Variants in SNX29 observed in about 807,000 individuals in gnomAD.
SNX29 encodes the protein sorting nexin 29, also known as sorting nexin-29.
SNX29 carries 78 observed loss-of-function variants against 102.1 expected under a neutral mutation model. The ratio of observed to expected loss-of-function variants is 0.76; its 90% CI spans 0.64 to 0.92. The LOEUF (loss-of-function observed/expected upper bound fraction) is 0.92. SNX29 is among the 40% of genes least tolerant of loss of function. The pLI, the probability that SNX29 is intolerant of heterozygous loss-of-function variation, is 0.00. For missense variants in SNX29, 1,280 were observed against 1,061.7 expected (o/e 1.21, Z -2.86); for synonymous variants, 580 against 414.5 (o/e 1.40, Z -4.85).
chr16:12,478,254 G>A lies in SNX29; in HGVS notation c.2178+395G>A, dbSNP rs189626321. On this transcript the variant is annotated intron_variant, in intron 19 of 20. Transcript: ENST00000566228. ...TGTGCCAATAGCATTTTATTTTTAAGAATAGACAGCAGCTGGATTTGGCCT... is the reference window on the plus strand; with the variant it reads ...TGTGCCAATAGCATTTTATTTTTAAAAATAGACAGCAGCTGGATTTGGCCT... Among the ~76,000 whole-genome samples, 384 of 152,304 alleles carry A rather than the reference G, an allele frequency of 2.5e-3. 2 individuals carry two copies. The highest frequency in any genetic ancestry group is 4.4e-3 in the Admixed American group (67 of 15,308).
At chr16:12,075,492 G>A (rs1329268750) in intron 10 of SNX29, among the ~76,000 whole-genome samples, 1 of 152,198 alleles carries the variant, frequency 6.6e-6, no homozygotes, top group African/African-American at 2.4e-5. Flanking sequence ...TTCGTGATCC[G>A]CGAATGCTGC....
rs536368412 is a variant in SNX29, at chr16:12,558,847, A to G, written c.2319-9659A>G. 5.9e-5 allele frequency among the ~76,000 whole-genome samples: 9 copies of G among 152,350 alleles called. No individual in the cohort carries two copies. In the East Asian group the frequency reaches 1.5e-3, roughly 26 times the overall value. ...AGGGCCACAGTCACCAAGAGCCACA[A>G]GAGGGCCACAGGCAGCCCATTTGCA... On this transcript the variant is annotated intron_variant, in intron 20 of 20. Coordinates refer to ENST00000566228, the MANE Select transcript of SNX29 (RefSeq NM_032167.5).
chr16:12,028,839 C>T (rs755350041), intron 4 of SNX29, among the ~76,000 whole-genome samples: 1 of 152,042 alleles, frequency 6.6e-6, no homozygotes, highest in African/African-American at 2.4e-5. Flanking sequence ...ACCTCCGCTT[C>T]CTGGGTTCAG....
At chr16:12,541,153 T>G (rs1365984462) in intron 20 of SNX29, among the ~76,000 whole-genome samples, 1 of 152,148 alleles carries the variant, frequency 6.6e-6, no homozygotes, top group Non-Finnish European at 1.5e-5. Context: ...TACTACATCA[T>G]ACCCAGACCT....
chr16:12,428,966 G>A (rs998739020), intron 18 of SNX29, among the ~76,000 whole-genome samples: 1 of 151,212 alleles, frequency 6.6e-6, no homozygotes, highest in South Asian at 2.1e-4. Flanking sequence ...ACAACACACA[G>A]ATACGATTGC....
intron 9 of SNX29, 116 bp downstream of exon 9, chr16:12,061,762 G>C (rs1303859240): frequency 5.7e-6 from 5 of 877,448 alleles, no homozygotes; most frequent in Non-Finnish European, 8.8e-6. Flanking sequence ...ACGGGAGTCG[G>C]GGTGTGGTTC....
intron 20 of SNX29, among the ~76,000 whole-genome samples, chr16:12,540,208 C>G (rs1478071844): frequency 2.6e-5 from 4 of 152,088 alleles, no homozygotes; most frequent in African/African-American, 9.7e-5. Flanking sequence ...AGGATTGGGT[C>G]AAGGTTAACC....
At chr16:12,035,055 C>CAGTTTTTAG (rs2057436935) in intron 4 of SNX29, among the ~76,000 whole-genome samples, 1 of 151,904 alleles carries the variant, frequency 6.6e-6, no homozygotes, top group Non-Finnish European at 1.5e-5. Flanking sequence ...TCTGAGTTGT[C>CAGTTTTTAG]AGTTTTTAGA....
intron 11 of SNX29, among the ~76,000 whole-genome samples, chr16:12,109,397 A>C (rs1443374077): frequency 6.6e-6 from 1 of 152,074 alleles, no homozygotes; most frequent in African/African-American, 2.4e-5. Flanking sequence ...TCATTCATCC[A>C]TGAGTGCATG....
At chr16:12,434,817 G>A (rs2085464475) in intron 18 of SNX29, among the ~76,000 whole-genome samples, 3 of 152,128 alleles carry the variant, frequency 2.0e-5, no homozygotes, top group African/African-American at 7.2e-5. Flanking sequence ...ACGGGGGGAT[G>A]CCAGGCCTGA....
At chr16:12,544,653 T>A (rs2077503488) in intron 20 of SNX29, among the ~76,000 whole-genome samples, 1 of 152,248 alleles carries the variant, frequency 6.6e-6, no homozygotes, top group South Asian at 2.1e-4. Context: ...TCAGACTGTT[T>A]ACTTCTCATG....
intron 18 of SNX29, among the ~76,000 whole-genome samples, chr16:12,421,828 T>TAGCCATGCATCACCATCACC (rs1209754431): frequency 6.6e-6 from 1 of 150,966 alleles, no homozygotes; most frequent in South Asian, 2.1e-4. Context: ...TCACCATCAC[T>TAGCCATGCATCACCATCACC]AGCCATGCAT....
intron 18 of SNX29, among the ~76,000 whole-genome samples, chr16:12,476,439 T>TG: frequency 1.1e-5 from 1 of 90,756 alleles, no homozygotes; most frequent in African/African-American, 4.3e-5. Context: ...TATATATATA[T>TG]ATATGATGAG....
intron 18 of SNX29, among the ~76,000 whole-genome samples, chr16:12,443,531 C>T (rs931931949): frequency 1.5e-4 from 23 of 152,302 alleles, no homozygotes; most frequent in African/African-American, 5.1e-4. Flanking sequence ...TGGTTCACTA[C>T]AATCTCTGCC....
chr16:12,073,025 C>T (rs2151314572), intron 10 of SNX29, among the ~76,000 whole-genome samples: 1 of 152,198 alleles, frequency 6.6e-6, no homozygotes, highest in Non-Finnish European at 1.5e-5. Flanking sequence ...TCCCCTTTAT[C>T]ATTTTTTATT....
chr16:12,318,492 C>T (rs1596885958), intron 15 of SNX29, among the ~76,000 whole-genome samples: 1 of 152,108 alleles, frequency 6.6e-6, no homozygotes, highest in African/African-American at 2.4e-5. Flanking sequence ...GGGCAGAACC[C>T]GGCAGCTTCA....
intron 9 of SNX29, among the ~76,000 whole-genome samples, chr16:12,068,773 G>C (rs1478850131): frequency 6.6e-6 from 1 of 152,116 alleles, no homozygotes; most frequent in East Asian, 1.9e-4. Flanking sequence ...TCGAACTCCT[G>C]ACCTCAGGTG....
chr16:12,376,203 C>T (rs894276926), intron 16 of SNX29, among the ~76,000 whole-genome samples: 2 of 152,116 alleles, frequency 1.3e-5, no homozygotes, highest in East Asian at 3.9e-4. Context: ...GGCTGCACAC[C>T]ACAGGAATAT....
At chr16:12,462,034 C>CAT (rs1555544576) in intron 18 of SNX29, among the ~76,000 whole-genome samples, 3 of 132,216 alleles carry the variant, frequency 2.3e-5, no homozygotes, top group African/African-American at 8.6e-5. Flanking sequence ...CACACACACA[C>CAT]ACACACACAC....
Sources: gnomAD v4.1 joint callset for allele counts (sites outside exome capture counted in the v4.1 genomes callset) on GRCh38, gnomAD v4.1.1 for gene constraint, MANE v1.5 for transcripts, NCBI Gene and HGNC (gene_info 2026-07-23, HGNC 2026-07-21) for gene names.